CRYZL1: variants seen among roughly 807,000 people sequenced by gnomAD.
The protein encoded by CRYZL1 is ferry endosomal RAB5 effector complex subunit 4.
A neutral mutation model predicts 50.6 loss-of-function variants in CRYZL1; 34 were observed. The ratio of observed to expected loss-of-function variants is 0.67; its 90% confidence interval spans 0.51 to 0.89. CRYZL1 has a LOEUF of 0.89. Ranked by LOEUF, CRYZL1 falls within the 40% of genes least tolerant of loss-of-function variation. The pLI is 0.00. For synonymous variants in CRYZL1, 125 were observed against 134.3 expected (o/e 0.93, Z 0.48); for missense variants, 354 against 402.3 (o/e 0.88, Z 1.03).
At chr21:33,602,427 A>T (rs2086766616) in intron 7 of CRYZL1, 82 bp from the exon 8 acceptor site, 1 of 551,098 alleles carries the variant, frequency 1.8e-6, no homozygotes, top group Middle Eastern at 3.5e-4. Flanking sequence ...TTATTTAATA[A>T]AGTATAATTC....
chr21:33,623,767 A>G (rs1282803945), intron 3 of CRYZL1, among the ~76,000 whole-genome samples: 1 of 152,118 alleles, frequency 6.6e-6, no homozygotes, highest in Non-Finnish European at 1.5e-5. Flanking sequence ...AATAAAACAA[A>G]ACAAACAAAA....
At chr21:33,596,175 A>G (rs1239028828) in intron 10 of CRYZL1, 2 of 512,266 alleles carry the variant, frequency 3.9e-6, no homozygotes, top group Non-Finnish European at 7.8e-6. Context: ...CATATCAGCC[A>G]TCATGTAAAT....
At chr21:33,605,932 A>T (rs1444504323) in intron 6 of CRYZL1, among the ~76,000 whole-genome samples, 3 of 152,152 alleles carry the variant, frequency 2.0e-5, no homozygotes, top group Non-Finnish European at 4.4e-5. Context: ...TGGACTAGCC[A>T]GAGTAGTCAG....
At chr21:33,637,786 T>TACAC (rs1226876412) in intron 1 of CRYZL1, among the ~76,000 whole-genome samples, 3 of 141,296 alleles carry the variant, frequency 2.1e-5, no homozygotes, top group Non-Finnish European at 3.1e-5. Context: ...TATATATATA[T>TACAC]ATACACACAC....
At chr21:33,624,578 G>A in intron 3 of CRYZL1, 105 bp downstream of exon 3, 1 of 1,501,952 alleles carries the variant, frequency 6.7e-7, no homozygotes, top group Non-Finnish European at 8.9e-7. Flanking sequence ...AAATGAAGAT[G>A]GTAATAAATT....
chr21:33,623,067 G>A (rs1243304063), intron 3 of CRYZL1, among the ~76,000 whole-genome samples: 4 of 151,486 alleles, frequency 2.6e-5, no homozygotes, highest in African/African-American at 9.7e-5. Context: ...CCAGGTTCAA[G>A]CGATTCTCCT....
At chr21:33,601,839 C>T (rs1297315502) in intron 8 of CRYZL1, among the ~76,000 whole-genome samples, 2 of 151,114 alleles carry the variant, frequency 1.3e-5, no homozygotes, top group South Asian at 2.1e-4. Context: ...ATCACCTGAC[C>T]CTGGGGAGGT....
chr21:33,612,203 T>C (rs924914356), intron 6 of CRYZL1, among the ~76,000 whole-genome samples: 1 of 152,172 alleles, frequency 6.6e-6, no homozygotes, highest in African/African-American at 2.4e-5. Context: ...AGCTAAATTG[T>C]TTTCTAACAT....
At chr21:33,616,664 T>TA in intron 5 of CRYZL1, 42 bp downstream of exon 5, 1 of 1,606,774 alleles carries the variant, frequency 6.2e-7, no homozygotes, top group Non-Finnish European at 8.5e-7. Context: ...GAGATGACGG[T>TA]AAAATAGATG....
intron 4 of CRYZL1, among the ~76,000 whole-genome samples, chr21:33,620,319 A>G (rs570993539): frequency 3.9e-5 from 6 of 152,178 alleles, no homozygotes; most frequent in Non-Finnish European, 8.8e-5. Context: ...TTTAGAAACA[A>G]ATTATATCAA....
At chr21:33,615,681 G>GT (rs1314268684) in intron 5 of CRYZL1, among the ~76,000 whole-genome samples, 1 of 152,104 alleles carries the variant, frequency 6.6e-6, no homozygotes, top group East Asian at 1.9e-4. Context: ...AACAATAAAA[G>GT]TTTTAAGTCA....
At chr21:33,606,729 G>A (rs957969026) in intron 6 of CRYZL1, among the ~76,000 whole-genome samples, 1 of 151,796 alleles carries the variant, frequency 6.6e-6, no homozygotes, top group African/African-American at 2.4e-5. Context: ...AACAAATAAG[G>A]CCAGGTGCAG....
At chr21:33,595,692 G>T in intron 11 of CRYZL1, 39 bp downstream of exon 11, 2 of 1,611,042 alleles carry the variant, frequency 1.2e-6, no homozygotes, top group Non-Finnish European at 1.7e-6. Context: ...ACAGTACAAA[G>T]TTCAAGCCAG....
chr21:33,626,367 A>G (rs2087063251), intron 2 of CRYZL1, among the ~76,000 whole-genome samples: 1 of 152,170 alleles, frequency 6.6e-6, no homozygotes, highest in African/African-American at 2.4e-5. Context: ...ACGTAATTGA[A>G]CCTAATTATC....
In CRYZL1 at chr21:33,589,799, C is replaced by T. The variant is rs1322290150; in HGVS notation, c.*23G>A. Reference sequence around the variant, plus strand: ...CAAATACTGGAATATGTTCATCCGACTGAGGTCTGAGAAAGAAGAAAATTA... The same window carrying T: ...CAAATACTGGAATATGTTCATCCGATTGAGGTCTGAGAAAGAAGAAAATTA... On this transcript the variant is annotated 3_prime_UTR_variant, in exon 13 of 13. Coordinates refer to ENST00000381554, the MANE Select transcript of CRYZL1 (RefSeq NM_145858.3). 7.0e-7 allele frequency: 1 copy of T among 1,419,786 alleles called. No homozygotes were observed. The highest frequency in any genetic ancestry group is 1.0e-6 in the Non-Finnish European group (1 of 1,004,982). The allele number at this position is 1,419,786 out of a possible 1,614,324, so 87.9% of individuals were successfully genotyped here.
At chr21:33,637,411 C>G (rs562043002) in intron 1 of CRYZL1, among the ~76,000 whole-genome samples, 64 of 149,978 alleles carry the variant, frequency 4.3e-4, no homozygotes, top group Non-Finnish European at 6.4e-4. Context: ...CGCCACTGCA[C>G]TCCAGCCTGG....
intron 10 of CRYZL1, among the ~76,000 whole-genome samples, chr21:33,596,575 T>A (rs1419211485): frequency 6.6e-6 from 1 of 151,912 alleles, no homozygotes; most frequent in African/African-American, 2.4e-5. Flanking sequence ...GAGGCAGAGG[T>A]TGCAGTGAGC....
At chr21:33,636,098 T>C (rs2087203800) in intron 1 of CRYZL1, among the ~76,000 whole-genome samples, 1 of 152,070 alleles carries the variant, frequency 6.6e-6, no homozygotes, top group East Asian at 1.9e-4. Context: ...CAAAAAAGTA[T>C]GATATAAAAC....
At chr21:33,641,644 G>A (rs150048128) in intron 1 of CRYZL1, 37 bp downstream of exon 1, 295 of 178,308 alleles carry the variant, frequency 1.7e-3, no homozygotes, top group African/African-American at 6.1e-3. Context: ...TTAAAGGCCC[G>A]TTTCCCAAGA....
Sources: allele counts gnomAD v4.1 joint callset (sites outside exome capture counted in the v4.1 genomes callset), GRCh38; gene constraint gnomAD v4.1.1; transcripts MANE v1.5; gene names NCBI Gene and HGNC (gene_info 2026-07-23, HGNC 2026-07-21).